Variants in YIPF4 observed in about 807,000 individuals in gnomAD.
The protein encoded by YIPF4 is Yip1 domain family member 4.
A neutral mutation model predicts 29.4 loss-of-function variants in YIPF4; 18 were observed. The ratio of observed to expected loss-of-function variants is 0.61; its 90% CI spans 0.42 to 0.91. The LOEUF (loss-of-function observed/expected upper bound fraction) is 0.91, where lower values mean the gene tolerates loss of function less well. YIPF4 is among the 40% of genes least tolerant of loss of function. The probability of loss-of-function intolerance (pLI) is 0.00; values close to 1 mark genes in which losing one functional copy is unlikely to be tolerated. For missense variants in YIPF4, 279 were observed against 282.7 expected (o/e 0.99, Z 0.09); for synonymous variants, 115 against 104.7 (o/e 1.10, Z -0.60).
At chr2:32,288,031 T>C (rs1222113894) in intron 1 of YIPF4, among the ~76,000 whole-genome samples, 1 of 152,186 alleles carries the variant, frequency 6.6e-6, no homozygotes, top group Non-Finnish European at 1.5e-5. Flanking sequence ...GCCATGCTCC[T>C]GGAGTAATTT....
intron 5 of YIPF4, among the ~76,000 whole-genome samples, chr2:32,304,091 GT>G (rs1283373203): frequency 6.6e-6 from 1 of 152,094 alleles, no homozygotes; most frequent in Non-Finnish European, 1.5e-5. Flanking sequence ...GAGTAAAATT[GT>G]TTTTAAACTT....
chr2:32,280,356 T>C (rs1443755123), intron 1 of YIPF4, among the ~76,000 whole-genome samples: 31 of 149,576 alleles, frequency 2.1e-4, no homozygotes, highest in Admixed American at 2.0e-3. Flanking sequence ...GGTCTTGATC[T>C]CCTGATCTTG....
At chr2:32,286,780 G>A (rs1368827695) in intron 1 of YIPF4, among the ~76,000 whole-genome samples, 3 of 151,918 alleles carry the variant, frequency 2.0e-5, no homozygotes, top group African/African-American at 4.8e-5. Flanking sequence ...TCTTGACCTC[G>A]TGATCTGCCC....
rs1197747024 is a variant in YIPF4 at position 32,312,348 on chromosome 2, C to T, written c.*6722C>T. On this transcript the variant is annotated 3_prime_UTR_variant, in exon 6 of 6. Transcript: ENST00000238831. ...CTAAAAATACCAAAAATTAGCCGGGCGTGGCAGCGGGCGCCTGTAGTCTCA... is the reference window on the plus strand; with the variant it reads ...CTAAAAATACCAAAAATTAGCCGGGTGTGGCAGCGGGCGCCTGTAGTCTCA... The T allele has an allele frequency of 6.6e-6, 1 of 151,198 alleles. No individual in the cohort carries two copies. Among genetic ancestry groups the T allele is most frequent in the Non-Finnish European group, 1.5e-5 (1 of 67,874 alleles). 9.4% of individuals were successfully genotyped at this position (151,198 alleles called of 1,614,324 possible).
chr2:32,287,409 G>A (rs1335225279), intron 1 of YIPF4, among the ~76,000 whole-genome samples: 1 of 152,132 alleles, frequency 6.6e-6, no homozygotes, highest in Non-Finnish European at 1.5e-5. Flanking sequence ...GAGATGAAAC[G>A]AGATGATTTT....
chr2:32,289,428 G>A (rs377416844), intron 1 of YIPF4, among the ~76,000 whole-genome samples: 4 of 152,152 alleles, frequency 2.6e-5, no homozygotes, highest in East Asian at 3.8e-4. Flanking sequence ...TTTTAAGGAA[G>A]CTAACTTTGG....
intron 4 of YIPF4, among the ~76,000 whole-genome samples, chr2:32,301,130 A>G (rs545732876): frequency 2.6e-5 from 4 of 152,354 alleles, no homozygotes; most frequent in African/African-American, 9.6e-5. Context: ...CTCAAGAGAG[A>G]GGTAAATGCT....
At chr2:32,286,017 A>G (rs899962460) in intron 1 of YIPF4, among the ~76,000 whole-genome samples, 1 of 152,298 alleles carries the variant, frequency 6.6e-6, no homozygotes, top group Admixed American at 6.5e-5. Context: ...CTTTTTGAAA[A>G]CTGAAAATGA....
rs1439207473 is a variant in YIPF4 at position 32,301,476 on chromosome 2, T to G, written c.578T>G (p.Val193Gly). The change falls in exon 5 of 6, where the codon GTG (valine) becomes GGG (glycine). Residue 193 changes from valine to glycine, a missense_variant. Val to Gly is a moderately radical substitution (Grantham distance 109). Coordinates refer to ENST00000238831, the MANE Select transcript of YIPF4 (RefSeq NM_032312.4). The stretch of plus-strand genomic sequence containing the variant: ...CTTTTGGTGGTTGGATCATTTGAAG[T>G]GGTGTCTACACTTATAAAAGTAAGT... The part of the protein sequence containing the change: ...PVLLVVGSFE[V>G]VSTLIKLFGV... The G allele has an allele frequency of 3.1e-6, 5 of 1,609,936 alleles. No individual in the cohort carries two copies. The highest frequency in any genetic ancestry group is 4.3e-6 in the Non-Finnish European group (5 of 1,176,422).
Position 32,292,212 on chromosome 2 carries a change from A to G in YIPF4, c.269A>G (p.Tyr90Cys). ...GACATTGATCTAAAGGATATTTACT[A>G]CAAAATCCGATGTGTTTTGATGCCA... ...ELDIDLKDIY[Y>C]KIRCVLMPMP... Residue 90 changes from tyrosine (Y) to cysteine (C), a missense_variant, in exon 3 of 6, where the codon TAC becomes TGC. Transcript: ENST00000238831. 1 of 1,588,340 alleles carries G rather than the reference A, an allele frequency of 6.3e-7. No individual in the cohort carries two copies. The highest frequency in any genetic ancestry group is 8.6e-7 in the Non-Finnish European group (1 of 1,169,066).
chr2:32,309,246 A>G lies in YIPF4; in HGVS notation c.*3620A>G, dbSNP rs1311574368. ...CAATCCAAAATTCAGAATGCTTCAGATAAGAACATTTTTGAGTGCCGATGT... is the reference window on the plus strand; with the variant it reads ...CAATCCAAAATTCAGAATGCTTCAGGTAAGAACATTTTTGAGTGCCGATGT... On this transcript the variant is annotated 3_prime_UTR_variant, in exon 6 of 6. Coordinates refer to ENST00000238831, the MANE Select transcript of YIPF4 (RefSeq NM_032312.4). The G allele has an allele frequency of 1.3e-5, 2 of 152,174 alleles. No individual in the cohort carries two copies. The highest frequency in any genetic ancestry group is 1.5e-5 in the Non-Finnish European group (1 of 68,034). 9.4% of individuals were successfully genotyped at this position (152,174 alleles called of 1,614,324 possible). A position where few individuals can be genotyped will look rare whatever the true frequency, so the allele number is the denominator to read the frequency against.
rs187059646 is a variant in YIPF4 at position 32,293,026 on chromosome 2, C to T, written c.405+678C>T. Among the ~76,000 whole-genome samples the T allele has an allele frequency of 5.9e-3, 885 of 150,060 alleles. 16 individuals carry two copies. Among genetic ancestry groups the T allele is most frequent in the African/African-American group, 0.021 (862 of 40,830 alleles). On this transcript the variant is annotated intron_variant, in intron 3 of 5. Coordinates refer to ENST00000238831, the MANE Select transcript of YIPF4 (RefSeq NM_032312.4). ...GTAATACTCATATTCATATTTCTTA[C>T]CTTTTTTTTGATTATTTTTATTTTT...
In YIPF4 at chr2:32,308,555, A is replaced by C. The variant is rs2031644420; in HGVS notation, c.*2929A>C. 6.6e-6 allele frequency: 1 copy of C among 152,160 alleles called. No individual in the cohort carries two copies. Among genetic ancestry groups the C allele is most frequent in the African/African-American group, 2.4e-5 (1 of 41,112 alleles). 9.4% of individuals were successfully genotyped at this position (152,160 alleles called of 1,614,324 possible). On this transcript the variant is annotated 3_prime_UTR_variant, in exon 6 of 6. Coordinates refer to ENST00000238831, the MANE Select transcript of YIPF4 (RefSeq NM_032312.4). ...GTGGAGAAACCCCATCTCTACTAAG[A>C]ATACAAAATTAGCCAGGCATGGTGG...
intron 2 of YIPF4, chr2:32,290,949 G>A (rs2030883734): frequency 6.4e-6 from 1 of 157,420 alleles, no homozygotes; most frequent in African/African-American, 2.4e-5. Context: ...GGTACTAGCT[G>A]TTGAAATTAA....
intron 1 of YIPF4, among the ~76,000 whole-genome samples, chr2:32,281,181 A>G (rs1370870698): frequency 6.6e-6 from 1 of 152,098 alleles, no homozygotes; most frequent in African/African-American, 2.4e-5. Context: ...ATCCTCACAC[A>G]ATATTATATC....
rs1011287407 is a variant in YIPF4, at chr2:32,311,894, T to C, written c.*6268T>C. The stretch of plus-strand genomic sequence containing the variant: ...TAAAAGCAGATTGCTGCTATTTGCA[T>C]AATAAGCACTTGTTGAAGAATAAAT... On this transcript the variant is annotated 3_prime_UTR_variant, in exon 6 of 6. Coordinates refer to ENST00000238831, the MANE Select transcript of YIPF4 (RefSeq NM_032312.4). 2 of 152,232 alleles carry C rather than the reference T, an allele frequency of 1.3e-5. No individual in the cohort carries two copies. Among genetic ancestry groups the C allele is most frequent in the Admixed American group, 1.3e-4 (2 of 15,278 alleles). The allele number at this position is 152,232 out of a possible 1,614,324, so 9.4% of individuals were successfully genotyped here.
Position 32,278,219 on chromosome 2 carries a change from T to C in YIPF4, c.64T>C (p.Ser22Pro). 1 of 1,567,348 alleles carries C rather than the reference T, an allele frequency of 6.4e-7. No individual in the cohort carries two copies. The highest frequency in any genetic ancestry group is 1.9e-5 in the Admixed American group (1 of 53,920). ...TAACGGGGACTTCACCTTTGTCTCC[T>C]CAGCAGACGCGGAAGGTGAGGCTGA... ...PTNGDFTFVS[S>P]ADAEDLSGSI... Residue 22 changes from serine to proline, a missense_variant, in exon 1 of 6, where the codon TCA becomes CCA. Transcript: ENST00000238831.
intron 1 of YIPF4, among the ~76,000 whole-genome samples, chr2:32,281,191 C>T (rs965458716): frequency 1.3e-5 from 2 of 151,620 alleles, no homozygotes; most frequent in African/African-American, 2.4e-5. Flanking sequence ...AATATTATAT[C>T]GTACAGTTTA....
At chr2:32,294,980 TCAGG>T (rs1251959348) in intron 3 of YIPF4, among the ~76,000 whole-genome samples, 3 of 145,544 alleles carry the variant, frequency 2.1e-5, no homozygotes, top group Non-Finnish European at 4.5e-5. Flanking sequence ...GGCAGGAGAA[TCAGG>T]CAGGGAGGTT....
Sources: gnomAD v4.1 joint callset for allele counts (sites outside exome capture counted in the v4.1 genomes callset) on GRCh38, gnomAD v4.1.1 for gene constraint, MANE v1.5 for transcripts, NCBI Gene and HGNC (gene_info 2026-07-23, HGNC 2026-07-21) for gene names.